Variants in TBC1D30 observed in about 807,000 individuals in gnomAD.
The protein encoded by TBC1D30 is TBC1 domain family member 30, also known as TBC1 domain family, member 30.
TBC1D30 carries 31 observed loss-of-function variants against 63.2 expected under a neutral mutation model. That is an observed-to-expected ratio of 0.49 (90% CI 0.37 to 0.66). The LOEUF (loss-of-function observed/expected upper bound fraction) is 0.66. TBC1D30 is among the 30% of genes least tolerant of loss of function. The probability of loss-of-function intolerance (pLI) is 0.00; values close to 1 mark genes in which losing one functional copy is unlikely to be tolerated. For missense variants in TBC1D30, 810 were observed against 953.6 expected, an observed-to-expected ratio of 0.85 and a Z score of 1.98; for synonymous variants, 307 against 361.5, an observed-to-expected ratio of 0.85 and a Z score of 1.71.
intron 6 of TBC1D30, among the ~76,000 whole-genome samples, chr12:64,837,502 C>A (rs1019464850): frequency 6.6e-6 from 1 of 151,790 alleles, no homozygotes; most frequent in Non-Finnish European, 1.5e-5. Flanking sequence ...AGATCCCTCA[C>A]GTGCACCGTT....
intron 1 of TBC1D30, among the ~76,000 whole-genome samples, chr12:64,762,445 G>C (rs1465255413): frequency 6.6e-6 from 1 of 152,176 alleles, no homozygotes; most frequent in Non-Finnish European, 1.5e-5. Flanking sequence ...ATTAGGTAGA[G>C]AGAAAAGTGG....
intron 1 of TBC1D30, among the ~76,000 whole-genome samples, chr12:64,770,482 A>T (rs1870864140): frequency 6.6e-6 from 1 of 152,088 alleles, no homozygotes; most frequent in East Asian, 1.9e-4. Flanking sequence ...TGCTGTCACC[A>T]CTGCTGCTGC....
At chr12:64,872,535 GA>G (rs1878735840) in intron 11 of TBC1D30, among the ~76,000 whole-genome samples, 1 of 152,146 alleles carries the variant, frequency 6.6e-6, no homozygotes, top group South Asian at 2.1e-4. Context: ...TTTGGTTCTT[GA>G]AATTTAGTGT....
chr12:64,834,707 CTT>C (rs11374555), intron 5 of TBC1D30, among the ~76,000 whole-genome samples: 8 of 76,338 alleles, frequency 1.0e-4, no homozygotes, highest in African/African-American at 3.0e-4. Context: ...CCGTGCCGGG[CTT>C]TTTTTTTTTT....
intron 2 of TBC1D30, among the ~76,000 whole-genome samples, chr12:64,791,530 T>C (rs1483181899): frequency 6.6e-6 from 1 of 152,154 alleles, no homozygotes; most frequent in Non-Finnish European, 1.5e-5. Flanking sequence ...GTTTTGGTTT[T>C]TTGAGACAGT....
chr12:64,769,849 C>T (rs1422945857), intron 1 of TBC1D30, among the ~76,000 whole-genome samples: 1 of 152,088 alleles, frequency 6.6e-6, no homozygotes, highest in African/African-American at 2.4e-5. Flanking sequence ...ATTTAACTCT[C>T]CCTACAAATC....
intron 8 of TBC1D30, among the ~76,000 whole-genome samples, chr12:64,855,498 AG>A (rs1399310345): frequency 6.6e-6 from 1 of 152,166 alleles, no homozygotes; most frequent in African/African-American, 2.4e-5. Context: ...TAGATTCCAT[AG>A]GCATACTTCA....
chr12:64,840,792 G>A (rs1875804739), intron 7 of TBC1D30, among the ~76,000 whole-genome samples: 1 of 152,160 alleles, frequency 6.6e-6, no homozygotes, highest in Non-Finnish European at 1.5e-5. Flanking sequence ...TCTTTTTGAA[G>A]TTTAGGGGAT....
intron 8 of TBC1D30, among the ~76,000 whole-genome samples, chr12:64,858,918 G>A (rs1877543351): frequency 6.6e-6 from 1 of 152,102 alleles, no homozygotes; most frequent in Non-Finnish European, 1.5e-5. Flanking sequence ...CTAGCCTGAG[G>A]GGCAGGGGTG....
At chr12:64,830,634 T>G in intron 4 of TBC1D30, 132 bp downstream of exon 4, 1 of 831,992 alleles carries the variant, frequency 1.2e-6, no homozygotes, top group Non-Finnish European at 1.7e-6. Context: ...GCCTTCTCAT[T>G]TCATTAGCTT....
Position 64,827,805 on chromosome 12 carries a change from A to C in TBC1D30, c.155-30A>C, listed in dbSNP as rs760547790. ...ATATAACTTGTTATAGTCTCCAAAA[A>C]TAACATCTATTTATGTATTTTTCTT... On this transcript the variant is annotated intron_variant, in intron 1 of 11. Transcript: ENST00000539867. 9 of 1,457,066 alleles carry C rather than the reference A, an allele frequency of 6.2e-6. 1 individual carries two copies. The South Asian group carries it at 1.1e-4, about 18-fold the overall frequency. The allele number at this position is 1,457,066 out of a possible 1,614,324, so 90.3% of individuals were successfully genotyped here.
At chr12:64,796,279 C>T (rs1281490779) in intron 2 of TBC1D30, among the ~76,000 whole-genome samples, 1 of 151,806 alleles carries the variant, frequency 6.6e-6, no homozygotes, top group Non-Finnish European at 1.5e-5. Context: ...AAATGATCTC[C>T]ATTTACCCAC....
chr12:64,878,258 C>T lies in TBC1D30; in HGVS notation c.*2470C>T. ...AATGTGAATTGGTCAATTTATGAGC[C>T]TTGCCTACTTTAGAAAATAAAGAAA... On this transcript the variant is annotated 3_prime_UTR_variant, in exon 12 of 12. Coordinates refer to ENST00000539867, the MANE Select transcript of TBC1D30 (RefSeq NM_015279.2). The T allele has an allele frequency of 3.0e-6, 1 of 333,904 alleles. No individual in the cohort carries two copies. Among genetic ancestry groups the T allele is most frequent in the South Asian group, 2.5e-5 (1 of 39,950 alleles). The allele number at this position is 333,904 out of a possible 1,614,324, so 20.7% of individuals were successfully genotyped here.
At position 64,797,143 on chromosome 12, in the gene TBC1D30, C is replaced by CG. The variant is rs1872328734; in HGVS notation, c.643+11098_643+11099insG. ...TTAATGCCTGGCTCCCCAGCCCAGA[C>CG]ATTCTGCTTTTACTGGCATGGAGTG... On this transcript the variant is annotated intron_variant, in intron 2 of 12. Coordinates refer to the TBC1D30 transcript ENST00000542120. 2.0e-5 allele frequency among the ~76,000 whole-genome samples: 3 copies of CG among 151,354 alleles called. 1 individual carries two copies. Among genetic ancestry groups the CG allele is most frequent in the Admixed American group, 2.0e-4 (3 of 15,184 alleles).
chr12:64,840,716 C>T (rs1210101134), intron 7 of TBC1D30, among the ~76,000 whole-genome samples: 1 of 152,138 alleles, frequency 6.6e-6, no homozygotes, highest in East Asian at 1.9e-4. Flanking sequence ...GAATTTGAAC[C>T]CAGGCATTCC....
intron 2 of TBC1D30, among the ~76,000 whole-genome samples, chr12:64,806,429 T>C (rs1301619148): frequency 2.0e-5 from 3 of 152,124 alleles, no homozygotes; most frequent in Non-Finnish European, 4.4e-5. Context: ...ATTTTACAGA[T>C]GAGGAGATTG....
Position 64,824,901 on chromosome 12 carries a change from G to C in TBC1D30, c.22G>C (p.Gly8Arg), listed in dbSNP as rs1377352148. 6.5e-7 allele frequency: 1 copy of C among 1,533,990 alleles called. No homozygotes were observed. The highest frequency in any genetic ancestry group is 8.7e-7 in the Non-Finnish European group (1 of 1,146,482). Residue 8 changes from glycine (G) to arginine (R), a missense_variant, in exon 1 of 12, where the codon GGG (glycine) becomes CGG (arginine). This residue lies in a region of TBC1D30 where 272 missense variants were observed against 335.9 expected (regional missense o/e 0.81). Transcript: ENST00000539867. ...TCGGATGCGGCAGGACAAGCTGACC[G>C]GGTCTCTGAGGCGCGGGGGGAGATG... MRQDKLT[G>R]SLRRGGRCLK...
At chr12:64,870,227 C>T (rs919531533) in intron 10 of TBC1D30, among the ~76,000 whole-genome samples, 6 of 152,118 alleles carry the variant, frequency 3.9e-5, no homozygotes, top group African/African-American at 4.8e-5. Flanking sequence ...ATCCTCATGC[C>T]GTTGTGTGGA....
intron 10 of TBC1D30, among the ~76,000 whole-genome samples, chr12:64,867,246 A>G (rs921502026): frequency 2.6e-5 from 4 of 152,042 alleles, no homozygotes; most frequent in Admixed American, 6.5e-5. Context: ...CAGATGCATC[A>G]TGAGGTCAGG....
Sources: allele counts gnomAD v4.1 joint callset (sites outside exome capture counted in the v4.1 genomes callset), GRCh38; gene constraint gnomAD v4.1.1; regional missense constraint gnomAD v4.1.1; transcripts MANE v1.5; gene names NCBI Gene and HGNC (gene_info 2026-07-23, HGNC 2026-07-21).